The following NXN variants were observed in gnomAD, a reference collection of about 807,000 sequenced individuals.
NXN encodes nucleoredoxin 1.
NXN carries 16 observed loss-of-function variants against 48.6 expected under a neutral mutation model. That is an observed-to-expected ratio of 0.33 (90% CI 0.22 to 0.50). The LOEUF (loss-of-function observed/expected upper bound fraction) is 0.50. NXN is among the 20% of genes least tolerant of loss of function. NXN has a pLI of 0.98. For synonymous variants in NXN, 281 were observed against 269.6 expected, an observed-to-expected ratio of 1.04 and a Z score of -0.41; for missense variants, 492 against 605.5, an observed-to-expected ratio of 0.81 and a Z score of 1.97.
chr17:957,148 G>C (rs973390040), intron 1 of NXN, among the ~76,000 whole-genome samples: 2 of 151,978 alleles, frequency 1.3e-5, no homozygotes, highest in Non-Finnish European at 2.9e-5. Context: ...GCAACAACGT[G>C]CAAAGGTGAT....
intron 1 of NXN, among the ~76,000 whole-genome samples, chr17:961,665 A>C (rs991660398): frequency 2.2e-4 from 34 of 152,208 alleles, no homozygotes; most frequent in African/African-American, 7.7e-4. Context: ...TCTTAAATCA[A>C]GTCCTCCCTT....
chr17:951,103 G>A (rs1222080224), intron 1 of NXN, among the ~76,000 whole-genome samples: 8 of 149,234 alleles, frequency 5.4e-5, no homozygotes, highest in Admixed American at 1.4e-4. Flanking sequence ...TTGGGAGGCC[G>A]AGGCTGGCAG....
At chr17:809,941 T>G (rs76843450) in intron 5 of NXN, among the ~76,000 whole-genome samples, 1 of 96,674 alleles carries the variant, frequency 1.0e-5, no homozygotes, top group Non-Finnish European at 2.3e-5. Context: ...GAGTGGCGTG[T>G]ACGTTACGAG....
At chr17:892,141 C>T (rs112151793) in intron 1 of NXN, among the ~76,000 whole-genome samples, 5 of 74,270 alleles carry the variant, frequency 6.7e-5, no homozygotes, top group African/African-American at 1.3e-4. Flanking sequence ...CTAACCCCAC[C>T]ATGCACAACC....
In NXN at chr17:817,647, C is replaced by T. The variant is rs182838672; in HGVS notation, c.820+1792G>A. Among the ~76,000 whole-genome samples the T allele has an allele frequency of 1.6e-4, 22 of 141,824 alleles. No homozygotes were observed. The East Asian group carries it at 1.6e-3, about 10-fold the overall frequency. 93.0% of individuals were successfully genotyped at this position (141,824 alleles called of 152,430 possible). ...TTGCGCCACTGCACTCCAGCCAGGG[C>T]GACAGAGCAAGACTCCAATTCAGGA... On this transcript the variant is annotated intron_variant, in intron 5 of 7. Transcript: ENST00000336868.
intron 1 of NXN, among the ~76,000 whole-genome samples, chr17:871,152 T>G (rs1014406197): frequency 6.6e-6 from 1 of 151,650 alleles, no homozygotes; most frequent in Non-Finnish European, 1.5e-5. Flanking sequence ...TGAGCCACCG[T>G]GCCCGGCTAT....
intron 1 of NXN, among the ~76,000 whole-genome samples, chr17:891,111 C>A (rs533277973): frequency 6.6e-6 from 1 of 152,152 alleles, no homozygotes; most frequent in African/African-American, 2.4e-5. Flanking sequence ...GTCCATCTCA[C>A]TCTGTTGCCC....
chr17:896,534 T>C (rs2068487991), intron 1 of NXN, among the ~76,000 whole-genome samples: 1 of 152,084 alleles, frequency 6.6e-6, no homozygotes, highest in Non-Finnish European at 1.5e-5. Context: ...AACAAGGAAG[T>C]AGAACTATTC....
In NXN at chr17:920,059, G is replaced by A. The variant is rs992560138; in HGVS notation, c.360+59260C>T. Among the ~76,000 whole-genome samples, 3 of 152,038 alleles carry A rather than the reference G, an allele frequency of 2.0e-5. No individual in the cohort carries two copies. Among genetic ancestry groups the A allele is most frequent in the Non-Finnish European group, 2.9e-5 (2 of 68,020 alleles). On this transcript the variant is annotated intron_variant, in intron 1 of 7. Transcript: ENST00000336868. The surrounding 1 kb of genome is among the most constrained non-coding windows in gnomAD (Gnocchi z 4.6). Reference sequence around the variant, plus strand: ...TCCAACTCTCTTCGAGCCACCACGCGGTGCAAATGTTTGTATTTTTGGTGG... The same window carrying A: ...TCCAACTCTCTTCGAGCCACCACGCAGTGCAAATGTTTGTATTTTTGGTGG...
intron 1 of NXN, among the ~76,000 whole-genome samples, chr17:877,441 C>T (rs978079552): frequency 2.8e-4 from 42 of 152,260 alleles, no homozygotes; most frequent in African/African-American, 8.9e-4. Flanking sequence ...CCACCGCGCC[C>T]GGCCGCGACT....
intron 5 of NXN, among the ~76,000 whole-genome samples, chr17:816,400 G>T (rs1272665529): frequency 6.6e-6 from 1 of 151,952 alleles, no homozygotes; most frequent in East Asian, 1.9e-4. Flanking sequence ...ATCCTGTGAC[G>T]TTGCAGCCAA....
intron 1 of NXN, among the ~76,000 whole-genome samples, chr17:909,163 A>G (rs1370478025): frequency 6.6e-6 from 1 of 151,100 alleles, no homozygotes; most frequent in African/African-American, 2.4e-5. Flanking sequence ...GTCAAACGAG[A>G]GGAACACATC....
chr17:815,472 C>T lies in NXN; in HGVS notation c.820+3967G>A, dbSNP rs796609073. 4.1e-5 allele frequency among the ~76,000 whole-genome samples: 6 copies of T among 147,808 alleles called. No homozygotes were observed. In the South Asian group the frequency reaches 1.4e-3, roughly 34 times the overall value. ...TAGGTTTTGAAGGCGATGAGGCACT[C>T]ACAGTTCAGCTGACTTCCATCCGTA... On this transcript the variant is annotated intron_variant, in intron 5 of 7. Transcript: ENST00000336868.
At chr17:801,947 CTTAAGCACT>C (rs1911236908) in intron 7 of NXN, among the ~76,000 whole-genome samples, 1 of 152,192 alleles carries the variant, frequency 6.6e-6, no homozygotes, top group Non-Finnish European at 1.5e-5. Context: ...GACAGCGCTG[CTTAAGCACT>C]GTGGAAGCTT....
intron 1 of NXN, among the ~76,000 whole-genome samples, chr17:846,957 T>C (rs534522855): frequency 2.6e-4 from 39 of 152,280 alleles, no homozygotes; most frequent in Non-Finnish European, 4.9e-4. Context: ...AGTCAAATCA[T>C]CTCGAAACTT....
At chr17:976,170 G>GT (rs2069455304) in intron 1 of NXN, among the ~76,000 whole-genome samples, 1 of 146,422 alleles carries the variant, frequency 6.8e-6, no homozygotes, top group South Asian at 2.1e-4. Flanking sequence ...TATAAAGAAT[G>GT]TTTTTTTACA....
At chr17:947,943 C>T (rs8082021) in intron 1 of NXN, among the ~76,000 whole-genome samples, 4,466 of 150,462 alleles carry the variant, frequency 0.03, 212 homozygotes, top group African/African-American at 0.1. Context: ...CCCAGCTACT[C>T]GGGAGGCTGA....
intron 1 of NXN, among the ~76,000 whole-genome samples, chr17:955,887 G>C (rs1012019232): frequency 6.6e-6 from 1 of 151,282 alleles, no homozygotes; most frequent in East Asian, 2.0e-4. Context: ...GGGCGACAGA[G>C]CGAGACTCCA....
chr17:979,313 G>T lies in NXN; in HGVS notation c.360+6C>A. On this transcript the variant is annotated splice_donor_region_variant and intron_variant, in intron 1 of 7. Transcript: ENST00000336868. Reference sequence around the variant, plus strand: ...GGCAGGGGCCGGCGAGGCCCGCGCCGCTCACCTTCCTGTGCTTCTCCTTGT... The same window carrying T: ...GGCAGGGGCCGGCGAGGCCCGCGCCTCTCACCTTCCTGTGCTTCTCCTTGT... The T allele has an allele frequency of 6.6e-7, 1 of 1,511,382 alleles. No homozygotes were observed. The allele number at this position is 1,511,382 out of a possible 1,614,324, so 93.6% of individuals were successfully genotyped here.
Sources: allele counts gnomAD v4.1 joint callset (sites outside exome capture counted in the v4.1 genomes callset), GRCh38; gene constraint gnomAD v4.1.1; non-coding constraint Gnocchi (gnomAD v3.1); transcripts MANE v1.5; gene names NCBI Gene and HGNC (gene_info 2026-07-23, HGNC 2026-07-21).